HECW2: variants seen among roughly 807,000 people sequenced by gnomAD.
HECW2 encodes E3 ubiquitin-protein ligase HECW2.
HECW2 carries 61 observed loss-of-function variants against 175.2 expected under a neutral mutation model. That is an observed-to-expected ratio of 0.35 (90% CI 0.28 to 0.43). The LOEUF (loss-of-function observed/expected upper bound fraction) is 0.43. Ranked by LOEUF, HECW2 falls within the 20% of genes least tolerant of loss-of-function variation. HECW2 has a pLI of 1.00. For synonymous variants in HECW2, 671 were observed against 731.0 expected (o/e 0.92, Z 1.32); for missense variants, 1,524 against 2,000.5 (o/e 0.76, Z 4.54).
rs1390377379 is a variant in HECW2, at chr2:196,519,711, G to A, written c.-36+73797C>T. On this transcript the variant is annotated intron_variant, in intron 1 of 28. Transcript: ENST00000644978. ...ACCTTTGTTGCCAGGGGTCACAGGA[G>A]TAATTAGATTTAAGGGAAAAATTAA... is the stretch of plus-strand genomic sequence containing the variant. 2.6e-5 allele frequency among the ~76,000 whole-genome samples: 4 copies of A among 152,200 alleles called. No homozygotes were observed. In the East Asian group the frequency reaches 5.8e-4, roughly 22 times the overall value.
At position 196,590,043 on chromosome 2, in the gene HECW2, C is replaced by T. The variant is rs1206994819; in HGVS notation, c.-36+3465G>A. On this transcript the variant is annotated intron_variant, in intron 1 of 28. Coordinates refer to ENST00000644978, the MANE Select transcript of HECW2 (RefSeq NM_001348768.2). ...GGTTTAAATTTTTCTGATTTTCTAG[C>T]TTTGCATTTAATAAATAAAAGACTG... is the stretch of plus-strand genomic sequence containing the variant. Among the ~76,000 whole-genome samples the T allele has an allele frequency of 3.9e-5, 6 of 152,142 alleles. No individual in the cohort carries two copies. In the East Asian group the frequency reaches 5.8e-4, roughly 15 times the overall value.
intron 14 of HECW2, among the ~76,000 whole-genome samples, chr2:196,284,284 T>C (rs963589329): frequency 1.3e-5 from 2 of 152,190 alleles, no homozygotes; most frequent in African/African-American, 4.8e-5. Context: ...AGGATGGCCA[T>C]GGGTGGAGAA....
chr2:196,270,656 C>T (rs1220617466), intron 17 of HECW2, among the ~76,000 whole-genome samples: 2 of 151,066 alleles, frequency 1.3e-5, no homozygotes, highest in Admixed American at 6.6e-5. Flanking sequence ...TTTCATATTT[C>T]GTTTTTTAAA....
chr2:196,539,609 T>G (rs929636287), intron 1 of HECW2, among the ~76,000 whole-genome samples: 4 of 152,040 alleles, frequency 2.6e-5, no homozygotes, highest in African/African-American at 7.2e-5. Flanking sequence ...CACTCCAGCC[T>G]GGACAACAGA....
At chr2:196,224,473 G>A (rs946333661) in intron 23 of HECW2, among the ~76,000 whole-genome samples, 2 of 152,090 alleles carry the variant, frequency 1.3e-5, no homozygotes, top group Admixed American at 6.5e-5. Context: ...GAAGCTTCAG[G>A]TACACCAAGA....
At chr2:196,326,539 G>A (rs968603310) in intron 5 of HECW2, among the ~76,000 whole-genome samples, 1 of 151,842 alleles carries the variant, frequency 6.6e-6, no homozygotes, top group African/African-American at 2.4e-5. Context: ...TGCCTCCTGG[G>A]TTCAGGTGAT....
At chr2:196,333,596 T>G (rs1296827143) in intron 4 of HECW2, among the ~76,000 whole-genome samples, 1 of 152,230 alleles carries the variant, frequency 6.6e-6, no homozygotes, top group Non-Finnish European at 1.5e-5. Flanking sequence ...GACCTCATTT[T>G]TAGTAATGAC....
At chr2:196,322,399 C>T (rs1691981083) in intron 7 of HECW2, 79 bp downstream of exon 7, 3 of 1,226,914 alleles carry the variant, frequency 2.4e-6, no homozygotes, top group Admixed American at 2.2e-5. Flanking sequence ...ATGAAAAGTC[C>T]TAGGACTACC....
At chr2:196,258,409 T>G (rs1689151584) in intron 17 of HECW2, among the ~76,000 whole-genome samples, 1 of 152,160 alleles carries the variant, frequency 6.6e-6, no homozygotes, top group African/African-American at 2.4e-5. Context: ...TGTAAAAGCA[T>G]ATGTATATAT....
At chr2:196,333,091 A>G (rs1360124746) in intron 4 of HECW2, among the ~76,000 whole-genome samples, 1 of 152,078 alleles carries the variant, frequency 6.6e-6, no homozygotes. Context: ...TCTCGGACAC[A>G]CCTTCAGGTA....
intron 7 of HECW2, 34 bp from the exon 8 acceptor site, chr2:196,320,473 T>TCC: frequency 7.1e-7 from 1 of 1,412,766 alleles, no homozygotes; most frequent in Non-Finnish European, 1.0e-6. Context: ...TCATCCTGAC[T>TCC]ACGCTGGAGT....
intron 3 of HECW2, among the ~76,000 whole-genome samples, chr2:196,342,714 A>T (rs143468908): frequency 0.017 from 2,532 of 152,264 alleles, 38 homozygotes; most frequent in Non-Finnish European, 0.022. Flanking sequence ...TTTTCTGGTA[A>T]GCCGACCTCA....
At chr2:196,349,133 C>T (rs1004030454) in intron 2 of HECW2, among the ~76,000 whole-genome samples, 5 of 152,188 alleles carry the variant, frequency 3.3e-5, no homozygotes, top group African/African-American at 1.2e-4. Context: ...TCTAGAGGGA[C>T]CTTCCACTCA....
At chr2:196,393,519 A>G (rs1694573004) in intron 2 of HECW2, among the ~76,000 whole-genome samples, 1 of 152,240 alleles carries the variant, frequency 6.6e-6, no homozygotes, top group African/African-American at 2.4e-5. Context: ...TTCTCAAAAG[A>G]AGACATTTAT....
intron 1 of HECW2, among the ~76,000 whole-genome samples, chr2:196,488,173 G>T (rs781381627): frequency 8.5e-5 from 13 of 152,266 alleles, no homozygotes; most frequent in Admixed American, 3.3e-4. Flanking sequence ...ATTCTCCAAG[G>T]TGTCTATTAT....
chr2:196,497,785 C>G (rs542231443), intron 1 of HECW2, among the ~76,000 whole-genome samples: 75 of 152,330 alleles, frequency 4.9e-4, no homozygotes, highest in African/African-American at 1.8e-3. Context: ...AGTTACCTAA[C>G]CACAGAGGGT....
chr2:196,338,932 A>G (rs1357460031), intron 3 of HECW2, among the ~76,000 whole-genome samples: 3 of 152,164 alleles, frequency 2.0e-5, no homozygotes, highest in Non-Finnish European at 2.9e-5. Context: ...TGACATGCTC[A>G]CTTGTCAGTT....
intron 1 of HECW2, among the ~76,000 whole-genome samples, chr2:196,570,241 A>T (rs1021143070): frequency 6.6e-6 from 1 of 152,214 alleles, no homozygotes; most frequent in Non-Finnish European, 1.5e-5. Flanking sequence ...GTACTTTACA[A>T]CACGAGAAAT....
intron 10 of HECW2, 68 bp from the exon 11 acceptor site, chr2:196,308,153 G>T: frequency 2.4e-6 from 3 of 1,231,350 alleles, no homozygotes; most frequent in Non-Finnish European, 3.3e-6. Context: ...GGTTCATTAA[G>T]TTTGGCATGT....
Sources: gnomAD v4.1 joint callset for allele counts (sites outside exome capture counted in the v4.1 genomes callset) on GRCh38, gnomAD v4.1.1 for gene constraint, MANE v1.5 for transcripts, NCBI Gene and HGNC (gene_info 2026-07-23, HGNC 2026-07-21) for gene names.